CES5A: variants seen among roughly 807,000 people sequenced by gnomAD.
The protein encoded by CES5A is carboxylesterase 5.
CES5A carries 67 observed loss-of-function variants against 62.9 expected under a neutral mutation model. That is an observed-to-expected ratio of 1.07 (90% CI 0.88 to 1.31). The LOEUF (loss-of-function observed/expected upper bound fraction) is 1.31, where lower values mean the gene tolerates loss of function less well. Ranked by LOEUF, CES5A falls within the 50% of genes most tolerant of loss-of-function variation. The pLI is 0.00. For missense variants in CES5A, 748 were observed against 708.5 expected (o/e 1.06, Z -0.63); for synonymous variants, 296 against 280.8 (o/e 1.05, Z -0.54).
chr16:55,904,972 T>A (rs937396325), intron 1 of CES5A, among the ~76,000 whole-genome samples: 2 of 152,208 alleles, frequency 1.3e-5, no homozygotes, highest in Admixed American at 1.3e-4. Context: ...AAAGAGAGTA[T>A]CAGGATATTT....
intron 3 of CES5A, among the ~76,000 whole-genome samples, chr16:55,869,973 G>C (rs1217636140): frequency 6.6e-6 from 1 of 152,236 alleles, no homozygotes. Flanking sequence ...ACCTTGGAAA[G>C]ATTACTTAGC....
intron 1 of CES5A, among the ~76,000 whole-genome samples, chr16:55,896,927 C>T (rs991804250): frequency 3.3e-5 from 5 of 152,210 alleles, no homozygotes; most frequent in Non-Finnish European, 5.9e-5. Context: ...ATGCCTTTAA[C>T]TCTTACTTTA....
intron 6 of CES5A, 95 bp downstream of exon 6, chr16:55,863,253 A>T (rs561103481): frequency 1.3e-6 from 1 of 768,354 alleles, no homozygotes; most frequent in African/African-American, 1.7e-5. Context: ...GGGCATGGTC[A>T]CTAAGGAAAG....
rs1306607331 is a variant in CES5A at position 55,846,361 on chromosome 16, T to C, written c.*90A>G. On this transcript the variant is annotated 3_prime_UTR_variant, in exon 13 of 13. Transcript: ENST00000290567. ...GCAGCTTGTTTTGCAAGGATCCCCA[T>C]AGAAAGCAGCTGAGCTCAGAAAGAA... The C allele has an allele frequency of 1.3e-5, 13 of 977,910 alleles. No homozygotes were observed. Among genetic ancestry groups the C allele is most frequent in the Admixed American group, 1.1e-4 (5 of 46,732 alleles). The allele number at this position is 977,910 out of a possible 1,614,324, so 60.6% of individuals were successfully genotyped here. A position where few individuals can be genotyped will look rare whatever the true frequency, so the allele number is the denominator to read the frequency against.
chr16:55,923,109 T>C (rs2034224926), intron 1 of CES5A, among the ~76,000 whole-genome samples: 1 of 150,492 alleles, frequency 6.6e-6, no homozygotes. Context: ...AGAAACAACC[T>C]AATGCACTTC....
At chr16:55,870,660 T>G (rs368402805) in intron 3 of CES5A, among the ~76,000 whole-genome samples, 2 of 152,118 alleles carry the variant, frequency 1.3e-5, no homozygotes, top group East Asian at 3.9e-4. Flanking sequence ...TTTGCACAAC[T>G]GCACTCCAGC....
chr16:55,936,339 T>C (rs8047923), intron 2 of CES5A, among the ~76,000 whole-genome samples: 49,228 of 152,100 alleles, frequency 0.32, 8,232 homozygotes, highest in African/African-American at 0.36. Context: ...CTTCTCCTCC[T>C]GTGTGTGTTC....
At position 55,846,418 on chromosome 16, in the gene CES5A, G is replaced by A; in HGVS notation, c.*33C>T. 1 of 1,550,436 alleles carries A rather than the reference G, an allele frequency of 6.4e-7. No individual in the cohort carries two copies. The highest frequency in any genetic ancestry group is 8.9e-7 in the Non-Finnish European group (1 of 1,124,390). On this transcript the variant is annotated 3_prime_UTR_variant, in exon 13 of 13. Coordinates refer to ENST00000290567, the MANE Select transcript of CES5A (RefSeq NM_001143685.2). ...GATTGCGGGAGAAATTATGGGAGGA[G>A]AAGGGAAACCAAAATCACAGAAAGA... is the stretch of plus-strand genomic sequence containing the variant.
At chr16:55,946,120 C>T (rs1403486283) in intron 2 of CES5A, among the ~76,000 whole-genome samples, 5 of 152,280 alleles carry the variant, frequency 3.3e-5, no homozygotes, top group African/African-American at 9.6e-5. Context: ...ATCTTTTCAT[C>T]GGGTTAGAAA....
At chr16:55,948,469 G>C (rs891314359) in intron 2 of CES5A, among the ~76,000 whole-genome samples, 1 of 152,094 alleles carries the variant, frequency 6.6e-6, no homozygotes, top group Admixed American at 6.5e-5. Context: ...GGCGGTGGAA[G>C]GGGGGTAAAA....
At chr16:55,943,823 G>GCCTAGTCAT (rs1477582740) in intron 2 of CES5A, among the ~76,000 whole-genome samples, 3 of 152,212 alleles carry the variant, frequency 2.0e-5, no homozygotes, top group Admixed American at 2.0e-4. Context: ...TGTGATGTCA[G>GCCTAGTCAT]CCTAGTCATT....
Position 55,865,384 on chromosome 16 carries a change from C to T in CES5A, c.705+579G>A, listed in dbSNP as rs2033435557. ...ATATTTGCAGGAAAAGTATACAAAT[C>T]CCAAATGCGCTAAAGTCAGACTGCT... On this transcript the variant is annotated intron_variant, in intron 5 of 12. Coordinates refer to ENST00000290567, the MANE Select transcript of CES5A (RefSeq NM_001143685.2). Among the ~76,000 whole-genome samples the T allele has an allele frequency of 2.0e-5, 3 of 152,022 alleles. No homozygotes were observed. In the South Asian group the frequency reaches 6.2e-4, roughly 32 times the overall value.
At position 55,856,450 on chromosome 16, in the gene CES5A, G is replaced by A. The variant is rs754089738; in HGVS notation, c.1057-5C>T. 2.8e-5 allele frequency: 45 copies of A among 1,613,834 alleles called. No homozygotes were observed. Among genetic ancestry groups the A allele is most frequent in the Non-Finnish European group, 3.5e-5 (41 of 1,179,894 alleles). On this transcript the variant is annotated splice_polypyrimidine_tract_variant and splice_region_variant and intron_variant, in intron 8 of 12. Transcript: ENST00000290567. ...GAGGATCTCAGGAGCCTCCTTCTGT[G>A]GAGAGAAGCGTGCCCTCTGTAAGCC...
chr16:55,955,857 C>A (rs1197434006), exon 1 of CES5A: 1 of 1,536,044 alleles, frequency 6.5e-7, no homozygotes. Context: ...TAGGCCATGG[C>A]ATGAAGCAGG....
Position 55,873,887 on chromosome 16 carries a change from G to A in CES5A, c.224C>T (p.Pro75Leu), listed in dbSNP as rs79514658. Residue 75 changes from proline (P) to leucine (L), a missense_variant, in exon 2 of 13, where the codon CCG (proline) becomes CTG (leucine). By Grantham distance (98) the Pro-to-Leu change is moderately conservative (BLOSUM62 -3). Coordinates refer to ENST00000290567, the MANE Select transcript of CES5A (RefSeq NM_001143685.2). Reference protein sequence around the residue: ...PPLGSLRFTNPQPASPWDNLR... With the variant: ...PPLGSLRFTNLQPASPWDNLR... ...GTTATCCCAGGGCGATGCAGGCTGC[G>A]GGTTCGTAAATCGCAGGGATCCCAG... 1,394 of 1,613,806 alleles carry A rather than the reference G, an allele frequency of 8.6e-4. 14 individuals are homozygous for A. In the East Asian group the frequency reaches 0.024, roughly 28 times the overall value.
upstream of CES5A, among the ~76,000 whole-genome samples, chr16:55,926,293 C>T (rs1051384691): frequency 6.6e-6 from 1 of 152,104 alleles, no homozygotes; most frequent in Non-Finnish European, 1.5e-5. Context: ...GGCAATAAAT[C>T]TGTTCATTGT....
intron 3 of CES5A, among the ~76,000 whole-genome samples, chr16:55,870,346 G>C (rs2033557841): frequency 6.6e-6 from 1 of 151,740 alleles, no homozygotes; most frequent in African/African-American, 2.4e-5. Context: ...AAGAGGAAGG[G>C]AGAAGGAGGA....
chr16:55,855,181 C>T (rs1190928609), intron 9 of CES5A, among the ~76,000 whole-genome samples: 1 of 152,250 alleles, frequency 6.6e-6, no homozygotes, highest in African/African-American at 2.4e-5. Flanking sequence ...GTCCACCCCA[C>T]ATTGCACCCC....
chr16:55,868,663 C>A (rs1427915822), intron 4 of CES5A, among the ~76,000 whole-genome samples: 3 of 152,212 alleles, frequency 2.0e-5, no homozygotes, highest in Non-Finnish European at 2.9e-5. Context: ...ATATTTGAAT[C>A]ATTGCTGCCT....
Sources: allele counts gnomAD v4.1 joint callset (sites outside exome capture counted in the v4.1 genomes callset), GRCh38; gene constraint gnomAD v4.1.1; transcripts MANE v1.5; gene names NCBI Gene and HGNC (gene_info 2026-07-23, HGNC 2026-07-21).